Variants in MACROH2A1 observed in about 807,000 individuals in gnomAD.
MACROH2A1 encodes macroH2A.1 histone.
A neutral mutation model predicts 31.6 loss-of-function variants in MACROH2A1; 2 were observed. The observed-to-expected ratio is 0.06, with a 90% CI of 0.03 to 0.20. MACROH2A1 has a LOEUF of 0.20. MACROH2A1 is among the 10% of genes least tolerant of loss of function. The pLI is 1.00. For synonymous variants in MACROH2A1, 169 were observed against 189.6 expected (o/e 0.89, Z 0.89); for missense variants, 230 against 474.0 (o/e 0.49, Z 4.78).
At position 135,369,386 on chromosome 5, in the gene MACROH2A1, A is replaced by G; in HGVS notation, c.477+20T>C. ...TACCCCATCCTATCCCACTTCATAC[A>G]TTCTGGCCAAATCACATACCTTGGA... On this transcript the variant is annotated intron_variant, in intron 4 of 8. Transcript: ENST00000511689. The surrounding 1 kb of genome is among the most constrained non-coding windows in gnomAD (Gnocchi z 4.3). The G allele has an allele frequency of 6.2e-7, 1 of 1,605,334 alleles. No homozygotes were observed. Among genetic ancestry groups the G allele is most frequent in the Non-Finnish European group, 8.5e-7 (1 of 1,172,118 alleles).
At chr5:135,355,195 G>A in intron 5 of MACROH2A1, 1 of 456,068 alleles carries the variant, frequency 2.2e-6, no homozygotes, top group South Asian at 1.5e-5. Context: ...AGGGGAATGG[G>A]ATTCTCTGGG....
intron 2 of MACROH2A1, among the ~76,000 whole-genome samples, chr5:135,374,494 C>G (rs1487093696): frequency 6.6e-6 from 1 of 152,224 alleles, no homozygotes; most frequent in Non-Finnish European, 1.5e-5. Context: ...GCCTGCCCCC[C>G]ATGCACACTG....
Position 135,395,782 on chromosome 5 carries a change from T to C in MACROH2A1, c.-34+3280A>G, listed in dbSNP as rs1182308297. ...TAGTATTCTAGCCAATCAGGAAAAA[T>C]ATCTCTCTCCATTCATAAAACACCA... On this transcript the variant is annotated intron_variant, in intron 1 of 8. Coordinates refer to ENST00000511689, the MANE Select transcript of MACROH2A1 (RefSeq NM_138610.3). Among the ~76,000 whole-genome samples the C allele has an allele frequency of 2.0e-5, 3 of 152,042 alleles. No individual in the cohort carries two copies. In the East Asian group the frequency reaches 5.8e-4, roughly 29 times the overall value.
In MACROH2A1 at chr5:135,360,751, A is replaced by C. The variant is rs543294214; in HGVS notation, c.478-144T>G. The C allele has an allele frequency of 1.5e-4, 104 of 709,594 alleles. No individual in the cohort carries two copies. The African/African-American group carries it at 1.7e-3, about 11-fold the overall frequency. The allele number at this position is 709,594 out of a possible 1,614,324, so 44.0% of individuals were successfully genotyped here. On this transcript the variant is annotated intron_variant, in intron 4 of 8. Coordinates refer to ENST00000511689, the MANE Select transcript of MACROH2A1 (RefSeq NM_138610.3). ...AGTTCTCAGCGTTTCTCCAAGGGGG[A>C]GCTCAGACTCATTTTGAGGTACAAG...
intron 2 of MACROH2A1, among the ~76,000 whole-genome samples, chr5:135,383,773 G>A (rs1052412837): frequency 2.6e-5 from 4 of 151,558 alleles, no homozygotes; most frequent in African/African-American, 9.7e-5. Context: ...CAGGGTGAGG[G>A]AAGGGCTTTG....
At chr5:135,351,080 GACA>G in intron 6 of MACROH2A1, 1 of 508,700 alleles carries the variant, frequency 2.0e-6, no homozygotes, top group South Asian at 3.1e-5. Context: ...TGGGGGTGAG[GACA>G]GGAGGAGGAG....
intron 5 of MACROH2A1, chr5:135,354,404 A>C (rs185900621): frequency 1.1e-4 from 17 of 152,426 alleles, no homozygotes; most frequent in Admixed American, 3.9e-4. Flanking sequence ...ACAGTTGTGG[A>C]ATTAAGTTTT....
chr5:135,338,261 G>A (rs1433803524), intron 8 of MACROH2A1, among the ~76,000 whole-genome samples: 1 of 152,204 alleles, frequency 6.6e-6, no homozygotes, highest in Non-Finnish European at 1.5e-5. Context: ...GAGTGGTTAA[G>A]AGCTCAGGAT....
intron 2 of MACROH2A1, among the ~76,000 whole-genome samples, chr5:135,383,695 GGTGTGGTGTGTGTGTGTGT>G (rs548779935): frequency 0.032 from 4,743 of 146,268 alleles, 253 homozygotes; most frequent in African/African-American, 0.12. Context: ...TGTGTGATGT[GGTGTGGTGTGTGTGTGTGT>G]GTGTGTGTGT....
At chr5:135,350,760 G>A in intron 6 of MACROH2A1, 1 of 940,878 alleles carries the variant, frequency 1.1e-6, no homozygotes, top group Non-Finnish European at 1.7e-6. Flanking sequence ...AAAGGATCAA[G>A]CTGTCTGCAG....
At chr5:135,358,711 G>C (rs1762471306) in intron 5 of MACROH2A1, 2 of 932,092 alleles carry the variant, frequency 2.1e-6, no homozygotes, top group Admixed American at 6.2e-5. Flanking sequence ...TGATATGTTT[G>C]TAATTTATTA....
chr5:135,394,970 T>C (rs1310562761), intron 1 of MACROH2A1, among the ~76,000 whole-genome samples: 1 of 152,144 alleles, frequency 6.6e-6, no homozygotes, highest in African/African-American at 2.4e-5. Context: ...GACCTTCTCT[T>C]GGACATTCAT....
chr5:135,342,740 C>A (rs1288762508), intron 8 of MACROH2A1, among the ~76,000 whole-genome samples: 2 of 152,166 alleles, frequency 1.3e-5, no homozygotes, highest in Non-Finnish European at 2.9e-5. Context: ...AGCAGGGTTA[C>A]CCTAGGGCAG....
At chr5:135,354,146 A>G (rs972770505) in intron 5 of MACROH2A1, 3 of 152,262 alleles carry the variant, frequency 2.0e-5, no homozygotes, top group Admixed American at 6.5e-5. Context: ...TGCAGGGTTT[A>G]CCAGGGCATG....
intron 6 of MACROH2A1, among the ~76,000 whole-genome samples, chr5:135,350,250 T>C (rs1024799965): frequency 1.3e-5 from 2 of 152,000 alleles, no homozygotes; most frequent in African/African-American, 4.9e-5. Flanking sequence ...AAGGATACCA[T>C]GTCAGATTGA....
At chr5:135,397,892 G>C (rs1012798155) in intron 1 of MACROH2A1, among the ~76,000 whole-genome samples, 1 of 152,032 alleles carries the variant, frequency 6.6e-6, no homozygotes, top group African/African-American at 2.4e-5. Context: ...AGGGAGCTTT[G>C]GAACAAAACA....
At chr5:135,359,302 T>G in intron 5 of MACROH2A1, 2 of 985,366 alleles carry the variant, frequency 2.0e-6, no homozygotes, top group Non-Finnish European at 2.4e-6. Context: ...TTTCAATACA[T>G]TACCCAAGGA....
chr5:135,379,480 G>A (rs1302819971), intron 2 of MACROH2A1, among the ~76,000 whole-genome samples: 1 of 152,176 alleles, frequency 6.6e-6, no homozygotes, highest in East Asian at 1.9e-4. Context: ...CTGGAAGAGG[G>A]TGGTGGGAAG....
At chr5:135,387,650 T>A (rs2149952669) in intron 2 of MACROH2A1, among the ~76,000 whole-genome samples, 1 of 152,314 alleles carries the variant, frequency 6.6e-6, no homozygotes, top group South Asian at 2.1e-4. Flanking sequence ...GGGTCCCTTC[T>A]CAACCCCTTG....
Sources: allele counts gnomAD v4.1 joint callset (sites outside exome capture counted in the v4.1 genomes callset), GRCh38; gene constraint gnomAD v4.1.1; non-coding constraint Gnocchi (gnomAD v3.1); transcripts MANE v1.5; gene names NCBI Gene and HGNC (gene_info 2026-07-23, HGNC 2026-07-21).